DCC: variants seen among roughly 807,000 people sequenced by gnomAD.
DCC encodes netrin receptor DCC.
DCC carries 58 observed loss-of-function variants against 172.5 expected under a neutral mutation model. The ratio of observed to expected loss-of-function variants is 0.34; its 90% CI spans 0.27 to 0.42. The LOEUF is 0.42. Among genes scored for constraint, DCC ranks in the 10% least tolerant of loss-of-function variants. The probability of loss-of-function intolerance (pLI) is 1.00; values close to 1 mark genes in which losing one functional copy is unlikely to be tolerated. For missense variants in DCC, 1,740 were observed against 1,791.0 expected, an observed-to-expected ratio of 0.97 and a Z score of 0.51; for synonymous variants, 709 against 644.5, an observed-to-expected ratio of 1.10 and a Z score of -1.52.
chr18:52,372,898 C>T (rs1292317405), intron 1 of DCC, among the ~76,000 whole-genome samples: 2 of 152,102 alleles, frequency 1.3e-5, no homozygotes, highest in African/African-American at 4.8e-5. Context: ...CCATTGGAAA[C>T]AATTTATTGT....
At chr18:53,478,560 A>T (rs2045794933) in intron 25 of DCC, among the ~76,000 whole-genome samples, 1 of 152,246 alleles carries the variant, frequency 6.6e-6, no homozygotes, top group South Asian at 2.1e-4. Flanking sequence ...TTTGAGGGAA[A>T]AAAAGGAAAT....
At chr18:52,402,032 G>A (rs947536191) in intron 1 of DCC, among the ~76,000 whole-genome samples, 8 of 152,044 alleles carry the variant, frequency 5.3e-5, no homozygotes, top group Admixed American at 2.0e-4. Flanking sequence ...TCAAATCGTT[G>A]CAGCTGTCTT....
chr18:53,397,340 A>G lies in DCC; in HGVS notation c.2721A>G (p.Ala907=). Residue 907 remains alanine, a synonymous_variant, in exon 18 of 29, where the codon GCA becomes GCG. Transcript: ENST00000442544. ...SEDTTSLSYT[A]TGLKPNTMYE... ...ACACAACATCTCTAAGTTACACAGC[A>G]ACAGGCCTCAAACCAAACACAATGT... 3 of 1,613,930 alleles carry G rather than the reference A, an allele frequency of 1.9e-6. No homozygotes were observed. The highest frequency in any genetic ancestry group is 2.5e-6 in the Non-Finnish European group (3 of 1,179,884).
chr18:52,896,711 G>C (rs907591681), intron 2 of DCC, among the ~76,000 whole-genome samples: 2 of 152,096 alleles, frequency 1.3e-5, no homozygotes, highest in Admixed American at 6.5e-5. Context: ...GCCTCTGTTG[G>C]CCCTATAATT....
At chr18:53,423,910 G>A (rs1403769531) in intron 21 of DCC, among the ~76,000 whole-genome samples, 1 of 152,170 alleles carries the variant, frequency 6.6e-6, no homozygotes. Flanking sequence ...GGAAAGATAA[G>A]TTTTACCATT....
At chr18:52,905,003 A>C (rs576020377) in intron 2 of DCC, among the ~76,000 whole-genome samples, 2 of 152,306 alleles carry the variant, frequency 1.3e-5, no homozygotes, top group South Asian at 4.1e-4. Flanking sequence ...GATCACAAAT[A>C]TCCACTTGTT....
At chr18:53,281,794 C>A (rs1273926580) in intron 12 of DCC, among the ~76,000 whole-genome samples, 1 of 139,394 alleles carries the variant, frequency 7.2e-6, no homozygotes. Context: ...GCCTGAGAGG[C>A]ACTTTGCCAG....
intron 1 of DCC, among the ~76,000 whole-genome samples, chr18:52,602,689 C>CT (rs145472315): frequency 9.3e-5 from 14 of 151,122 alleles, no homozygotes; most frequent in African/African-American, 2.4e-4. Context: ...AAAGAGACGA[C>CT]TTTTTTTTTA....
intron 7 of DCC, among the ~76,000 whole-genome samples, chr18:53,099,230 T>C (rs1223192649): frequency 6.6e-6 from 1 of 152,120 alleles, no homozygotes; most frequent in East Asian, 1.9e-4. Context: ...GAACATTTTC[T>C]TCCCCCTATG....
intron 15 of DCC, among the ~76,000 whole-genome samples, chr18:53,357,169 A>G (rs1251249446): frequency 6.6e-6 from 1 of 152,208 alleles, no homozygotes; most frequent in Non-Finnish European, 1.5e-5. Flanking sequence ...AGCTTTTTAA[A>G]GGTACCAAAA....
chr18:53,154,049 C>G (rs2054687631), intron 7 of DCC, among the ~76,000 whole-genome samples: 1 of 152,154 alleles, frequency 6.6e-6, no homozygotes, highest in African/African-American at 2.4e-5. Flanking sequence ...TATTTTCTGT[C>G]TTGCTGTAGG....
intron 12 of DCC, among the ~76,000 whole-genome samples, chr18:53,281,173 A>G (rs1433165226): frequency 7.9e-5 from 12 of 152,180 alleles, no homozygotes; most frequent in African/African-American, 2.4e-5. Context: ...TGAAAACAGT[A>G]TATGTGAGTA....
At chr18:53,356,835 G>C (rs2057883922) in intron 15 of DCC, among the ~76,000 whole-genome samples, 1 of 152,096 alleles carries the variant, frequency 6.6e-6, no homozygotes, top group African/African-American at 2.4e-5. Flanking sequence ...TTTCAACTTT[G>C]TGTCTTCAAT....
chr18:53,428,282 T>TTATATAGAATATAATAA (rs1224736125), intron 21 of DCC, among the ~76,000 whole-genome samples: 1 of 94,394 alleles, frequency 1.1e-5, no homozygotes, highest in East Asian at 3.3e-4. Flanking sequence ...ATATAATAAA[T>TTATATAGAATATAATAA]TATATAGAAT....
intron 2 of DCC, among the ~76,000 whole-genome samples, chr18:52,899,795 C>G (rs2039784324): frequency 6.6e-6 from 1 of 152,142 alleles, no homozygotes; most frequent in African/African-American, 2.4e-5. Context: ...CACTCCAAGG[C>G]TCCTCTAACT....
chr18:53,465,826 A>G (rs1225571828), intron 24 of DCC, among the ~76,000 whole-genome samples: 7 of 151,908 alleles, frequency 4.6e-5, no homozygotes, highest in Non-Finnish European at 7.4e-5. Flanking sequence ...GTGTAGTGGC[A>G]CAACCTCAGC....
At chr18:53,406,126 G>A (rs1329788085) in intron 19 of DCC, among the ~76,000 whole-genome samples, 1 of 152,168 alleles carries the variant, frequency 6.6e-6, no homozygotes, top group Non-Finnish European at 1.5e-5. Flanking sequence ...AACACAAATA[G>A]AAGAGTTAGG....
chr18:52,958,778 G>C (rs182957354), intron 5 of DCC, among the ~76,000 whole-genome samples: 45 of 152,194 alleles, frequency 3.0e-4, no homozygotes, highest in South Asian at 1.5e-3. Flanking sequence ...ACATGTTGTC[G>C]GGAGGGGTCA....
chr18:52,419,834 T>C (rs1432089262), intron 1 of DCC, among the ~76,000 whole-genome samples: 1 of 152,170 alleles, frequency 6.6e-6, no homozygotes, highest in Admixed American at 6.6e-5. Flanking sequence ...AATACATATA[T>C]GGGAATTATA....
Sources: gnomAD v4.1 joint callset for allele counts (sites outside exome capture counted in the v4.1 genomes callset) on GRCh38, gnomAD v4.1.1 for gene constraint, MANE v1.5 for transcripts, NCBI Gene and HGNC (gene_info 2026-07-23, HGNC 2026-07-21) for gene names.